ARID1B: variants seen among roughly 807,000 people sequenced by gnomAD.
ARID1B encodes the protein AT-rich interactive domain-containing protein 1B.
In ARID1B, 30 loss-of-function variants were observed where a neutral mutation model predicts 212.3. The ratio of observed to expected loss-of-function variants is 0.14; its 90% CI spans 0.11 to 0.19. ARID1B has a LOEUF of 0.19. ARID1B is among the 10% of genes least tolerant of loss of function. ARID1B has a pLI of 1.00. For missense variants in ARID1B, 2,891 were observed against 3,204.0 expected (o/e 0.90, Z 2.36); for synonymous variants, 1,402 against 1,301.7 (o/e 1.08, Z -1.66).
chr6:157,111,690 A>T (rs1490307863), intron 6 of ARID1B, among the ~76,000 whole-genome samples: 2 of 152,218 alleles, frequency 1.3e-5, no homozygotes, highest in African/African-American at 4.8e-5. Context: ...GTCAATGAAA[A>T]GATAGATTTG....
In ARID1B at chr6:156,897,336, C is replaced by T. The variant is rs561750636; in HGVS notation, c.1987-4040C>T. Among the ~76,000 whole-genome samples, 10 of 150,016 alleles carry T rather than the reference C, an allele frequency of 6.7e-5. No homozygotes were observed. The South Asian group carries it at 1.1e-3, about 16-fold the overall frequency. On this transcript the variant is annotated intron_variant, in intron 2 of 19. Transcript: ENST00000636930. ...TCGCCCAGGCTGGAGTGCACTGGAG[C>T]GATCTCAGCTCACTGTAACCTCCAC...
chr6:156,813,110 T>TATA, intron 1 of ARID1B, among the ~76,000 whole-genome samples: 1 of 58,970 alleles, frequency 1.7e-5, no homozygotes, highest in East Asian at 1.9e-3. Context: ...ATATATATAT[T>TATA]TTTTTTTTTT....
chr6:156,815,831 C>T (rs1423560828), intron 1 of ARID1B, among the ~76,000 whole-genome samples: 1 of 152,080 alleles, frequency 6.6e-6, no homozygotes, highest in Non-Finnish European at 1.5e-5. Flanking sequence ...TGTTTGTTTA[C>T]CTAAGTAGGC....
Position 156,844,722 on chromosome 6 carries a change from C to CT in ARID1B, c.1986+15302dup, listed in dbSNP as rs1784113483. On this transcript the variant is annotated intron_variant, in intron 2 of 19. Coordinates refer to ENST00000636930, the MANE Select transcript of ARID1B (RefSeq NM_001374828.1). ...CCTTGCCCTGTATTTCCTTTTCCCT[C>CT]TATCATCTTTCCATATTATAACTTT... Among the ~76,000 whole-genome samples the CT allele has an allele frequency of 6.6e-5, 10 of 152,276 alleles. No homozygotes were observed. In the South Asian group the frequency reaches 2.1e-3, roughly 32 times the overall value.
At chr6:156,909,266 C>G (rs1402826584) in intron 3 of ARID1B, among the ~76,000 whole-genome samples, 1 of 151,662 alleles carries the variant, frequency 6.6e-6, no homozygotes, top group African/African-American at 2.4e-5. Flanking sequence ...GCTGGGATTA[C>G]AGGCGTGCAC....
chr6:156,858,018 A>G (rs755462695), intron 2 of ARID1B, among the ~76,000 whole-genome samples: 18 of 152,266 alleles, frequency 1.2e-4, no homozygotes, highest in African/African-American at 1.7e-4. Context: ...AATGTGGTAC[A>G]CAGACAGTAG....
intron 4 of ARID1B, among the ~76,000 whole-genome samples, chr6:157,002,159 G>A (rs1160546539): frequency 6.6e-6 from 1 of 152,126 alleles, no homozygotes; most frequent in Non-Finnish European, 1.5e-5. Flanking sequence ...TTGCCAAGTC[G>A]GGATGAGAAA....
At chr6:156,968,483 A>T (rs952596607) in intron 4 of ARID1B, among the ~76,000 whole-genome samples, 1 of 152,248 alleles carries the variant, frequency 6.6e-6, no homozygotes, top group African/African-American at 2.4e-5. Context: ...ATGTAAATTA[A>T]GCCTTTGTTT....
chr6:156,847,892 C>T (rs1784332095), intron 2 of ARID1B, among the ~76,000 whole-genome samples: 1 of 152,126 alleles, frequency 6.6e-6, no homozygotes, highest in Non-Finnish European at 1.5e-5. Flanking sequence ...TGGAAGCCCA[C>T]CAGAGAATCC....
chr6:156,907,155 C>G (rs973641560), intron 3 of ARID1B, among the ~76,000 whole-genome samples: 1 of 152,146 alleles, frequency 6.6e-6, no homozygotes. Context: ...CCTGTGTTAT[C>G]CCTGATTAAA....
chr6:157,046,911 G>A (rs1782278073), intron 4 of ARID1B, among the ~76,000 whole-genome samples: 1 of 152,096 alleles, frequency 6.6e-6, no homozygotes, highest in African/African-American at 2.4e-5. Flanking sequence ...GAGGGAAAGT[G>A]ACTTATTTTA....
At chr6:157,021,081 G>C (rs1414293404) in intron 4 of ARID1B, among the ~76,000 whole-genome samples, 1 of 138,166 alleles carries the variant, frequency 7.2e-6, no homozygotes, top group African/African-American at 2.7e-5. Context: ...TTCCCTCCTC[G>C]GCTGCGCTTT....
At chr6:156,952,264 C>T (rs1452995409) in intron 4 of ARID1B, among the ~76,000 whole-genome samples, 1 of 152,114 alleles carries the variant, frequency 6.6e-6, no homozygotes, top group Non-Finnish European at 1.5e-5. Flanking sequence ...ATTGATGAGA[C>T]TAGTGATGGT....
In ARID1B at chr6:157,133,182, A is replaced by T; in HGVS notation, c.2736A>T (p.Pro912=). 6.2e-7 allele frequency: 1 copy of T among 1,613,120 alleles called. No individual in the cohort carries two copies. The highest frequency in any genetic ancestry group is 8.5e-7 in the Non-Finnish European group (1 of 1,179,626). The change falls in exon 7 of 20, where the codon CCA becomes CCT. Residue 912 remains proline (P), a synonymous_variant. Coordinates refer to ENST00000636930, the MANE Select transcript of ARID1B (RefSeq NM_001374828.1). ...QQSNSSGTYG[P]QMSQYGPQGN... Reference sequence around the variant, plus strand: ...GTAACTCAAGTGGGACTTACGGTCCACAGATGAGCCAGTATGGACCACAAG... The same window carrying T: ...GTAACTCAAGTGGGACTTACGGTCCTCAGATGAGCCAGTATGGACCACAAG...
At chr6:157,202,875 A>G (rs1794200206) in intron 18 of ARID1B, among the ~76,000 whole-genome samples, 1 of 151,524 alleles carries the variant, frequency 6.6e-6, no homozygotes, top group Non-Finnish European at 1.5e-5. Flanking sequence ...ACACACACAC[A>G]CGTGTATTGT....
chr6:156,810,907 G>A (rs559817961), intron 1 of ARID1B, among the ~76,000 whole-genome samples: 1 of 152,124 alleles, frequency 6.6e-6, no homozygotes, highest in Non-Finnish European at 1.5e-5. Context: ...AACACACATC[G>A]ATTATGTCAG....
chr6:157,095,454 T>G (rs2356199), intron 5 of ARID1B, among the ~76,000 whole-genome samples: 17,678 of 152,124 alleles, frequency 0.12, 1,296 homozygotes, highest in Non-Finnish European at 0.17. Context: ...GTAGAGACTG[T>G]GAAAAAGAAA....
chr6:157,171,850 C>T (rs1036378961), intron 9 of ARID1B, among the ~76,000 whole-genome samples: 4 of 152,208 alleles, frequency 2.6e-5, no homozygotes, highest in African/African-American at 9.7e-5. Flanking sequence ...TGGCCTAGTT[C>T]TGTATGCTTA....
intron 11 of ARID1B, among the ~76,000 whole-genome samples, chr6:157,178,641 G>T (rs561903506): frequency 9.9e-5 from 15 of 152,282 alleles, no homozygotes; most frequent in Non-Finnish European, 2.2e-4. Flanking sequence ...TTATGAAAAA[G>T]AACTATTCTC....
Sources: allele counts gnomAD v4.1 joint callset (sites outside exome capture counted in the v4.1 genomes callset), GRCh38; gene constraint gnomAD v4.1.1; transcripts MANE v1.5; gene names NCBI Gene and HGNC (gene_info 2026-07-23, HGNC 2026-07-21).